STK25: variants seen among roughly 807,000 people sequenced by gnomAD.
STK25 encodes the protein serine/threonine-protein kinase 25.
STK25 carries 29 observed loss-of-function variants against 53.8 expected under a neutral mutation model. The ratio of observed to expected loss-of-function variants is 0.54; its 90% CI spans 0.40 to 0.74. The LOEUF (loss-of-function observed/expected upper bound fraction) is 0.74. STK25 is among the 30% of genes least tolerant of loss of function. The pLI, the probability that STK25 is intolerant of heterozygous loss-of-function variation, is 0.00. For synonymous variants in STK25, 247 were observed against 238.3 expected (o/e 1.04, Z -0.33); for missense variants, 420 against 568.0 (o/e 0.74, Z 2.65).
chr2:241,508,107 G>A lies in STK25; in HGVS notation c.-72C>T, dbSNP rs1031169239. Reference sequence around the variant, plus strand: ...GGATCCCGCGGAGAGGCGCGGAGCCGGCTAGCTCGCCCCTGCGGCGTCAGT... The same window carrying A: ...GGATCCCGCGGAGAGGCGCGGAGCCAGCTAGCTCGCCCCTGCGGCGTCAGT... On this transcript the variant is annotated 5_prime_UTR_variant, in exon 2 of 12. Coordinates refer to ENST00000316586, the MANE Select transcript of STK25 (RefSeq NM_001271977.2). 3.3e-5 allele frequency: 51 copies of A among 1,544,106 alleles called. No individual in the cohort carries two copies. In the South Asian group the frequency reaches 6.0e-4, roughly 18 times the overall value.
At chr2:241,508,952 G>C (rs1044433272), upstream of STK25, among the ~76,000 whole-genome samples, 1 of 152,160 alleles carries the variant, frequency 6.6e-6, no homozygotes, top group African/African-American at 2.4e-5. Context: ...CTTGGGCTCT[G>C]CCCTGCGCAG....
chr2:241,497,550 C>T, intron 10 of STK25, 66 bp downstream of exon 10: 1 of 1,518,468 alleles, frequency 6.6e-7, no homozygotes, highest in East Asian at 2.3e-5. Flanking sequence ...GGAGACATCT[C>T]CGTGCAACAG....
Position 241,498,333 on chromosome 2 carries a change from C to A in STK25, c.934G>T (p.Asp312Tyr). Residue 312 changes from aspartate to tyrosine, a missense_variant, in exon 9 of 12, where the codon GAC becomes TAC. Physicochemically the swap from Asp to Tyr is radical, Grantham distance 160. Transcript: ENST00000316586. The stretch of plus-strand genomic sequence containing the variant: ...GTCCAGATGGGGCCCTGCTCCCCGT[C>A]CTCCGCCTCGCCATCACTGAAGAGG... Reference protein sequence around the residue: ...EDSDIDGEAEDGEQGPIWTFP... With the variant: ...EDSDIDGEAEYGEQGPIWTFP... 6.3e-7 allele frequency: 1 copy of A among 1,595,700 alleles called. No homozygotes were observed. The highest frequency in any genetic ancestry group is 8.6e-7 in the Non-Finnish European group (1 of 1,168,180).
In STK25 at chr2:241,496,338, C is replaced by G. The variant is rs1321073762; in HGVS notation, c.1241+60G>C. The G allele has an allele frequency of 1.3e-6, 2 of 1,573,834 alleles. No individual in the cohort carries two copies. Among genetic ancestry groups the G allele is most frequent in the Non-Finnish European group, 1.7e-6 (2 of 1,153,676 alleles). ...CCCACGAGTGAGCACTGGACCTCAC[C>G]CCACGTCCAGCTTCTTGGTGGGGGT... On this transcript the variant is annotated intron_variant, in intron 11 of 11. Coordinates refer to ENST00000316586, the MANE Select transcript of STK25 (RefSeq NM_001271977.2). This position sits in a 1 kb window ranked among gnomAD's most constrained non-coding sequence, Gnocchi z 5.8.
intron 9 of STK25, 92 bp from the exon 10 acceptor site, chr2:241,497,779 C>G (rs2065258886): frequency 2.3e-6 from 3 of 1,331,324 alleles, no homozygotes; most frequent in Non-Finnish European, 3.2e-6. Flanking sequence ...CTTGAAGAGA[C>G]AGAGGCTGGG....
upstream of STK25, chr2:241,508,679 T>C: frequency 5.1e-6 from 5 of 985,820 alleles, no homozygotes; most frequent in Non-Finnish European, 6.0e-6. Context: ...CCCGGAAGCC[T>C]GCTGGCGTTG....
intron 9 of STK25, among the ~76,000 whole-genome samples, 187 bp downstream of exon 9, chr2:241,498,048 C>T (rs568957194): frequency 3.9e-5 from 6 of 152,320 alleles, no homozygotes; most frequent in South Asian, 2.1e-4. Context: ...CTCATCTTCC[C>T]GGCACATGCT....
upstream of STK25, chr2:241,508,689 G>A (rs1156659649): frequency 1.0e-6 from 1 of 985,886 alleles, no homozygotes; most frequent in African/African-American, 1.7e-5. Context: ...TGCTGGCGTT[G>A]GACTACAAGT....
chr2:241,508,278 G>A, intron 1 of STK25, 143 bp from the exon 2 acceptor site: 1 of 1,274,094 alleles, frequency 7.8e-7, no homozygotes, highest in Non-Finnish European at 9.9e-7. Context: ...TAACGCCCAG[G>A]CTCCCGGGGG....
chr2:241,499,194 T>C lies in STK25; in HGVS notation c.586-20A>G. The C allele has an allele frequency of 1.9e-6, 3 of 1,613,788 alleles. No individual in the cohort carries two copies. Among genetic ancestry groups the C allele is most frequent in the Non-Finnish European group, 2.5e-6 (3 of 1,179,864 alleles). On this transcript the variant is annotated intron_variant, in intron 6 of 11. Transcript: ENST00000316586. ...GTCAGCCTGGACAGAACACAAGGACTGTTGCTGCCCTGAGCACCCGAGCCA... is the reference window on the plus strand; with the variant it reads ...GTCAGCCTGGACAGAACACAAGGACCGTTGCTGCCCTGAGCACCCGAGCCA...
rs1574924266 is a variant in STK25 at position 241,493,086 on chromosome 2, A to ACTT, written c.*2573_*2575dup. The ACTT allele has an allele frequency of 8.5e-7, 1 of 1,182,768 alleles. No individual in the cohort carries two copies. Among genetic ancestry groups the ACTT allele is most frequent in the Non-Finnish European group, 1.3e-6 (1 of 786,906 alleles). The allele number at this position is 1,182,768 out of a possible 1,614,324, so 73.3% of individuals were successfully genotyped here. A position where few individuals can be genotyped will look rare whatever the true frequency, so the allele number is the denominator to read the frequency against. On this transcript the variant is annotated 3_prime_UTR_variant, in exon 12 of 12. Transcript: ENST00000316586. Reference sequence around the variant, plus strand: ...ATGCAGGTGATGCTAGCAGACAGACACTTAACCCTGCTCACCTGTGTCCCT... The same window carrying ACTT: ...ATGCAGGTGATGCTAGCAGACAGACACTTCTTAACCCTGCTCACCTGTGTCCCT...
intron 3 of STK25, 92 bp from the exon 4 acceptor site, chr2:241,500,888 A>AG: frequency 3.8e-6 from 5 of 1,312,712 alleles, no homozygotes; most frequent in Non-Finnish European, 5.4e-6. Flanking sequence ...GCCAGGGCCC[A>AG]GGCCCCACCG....
At chr2:241,504,165 C>T in intron 2 of STK25, 1 of 469,340 alleles carries the variant, frequency 2.1e-6, no homozygotes, top group South Asian at 1.6e-5. Context: ...GCTGGCTTGT[C>T]AAGGCCCGGG....
rs1290473431 is a variant in STK25, at chr2:241,501,643, C to T, written c.96G>A (p.Gly32=). ...KLDRIGKGSF[G]EVYKGIDNHT... ...GGTTATCGATGCCCTTGTAGACCTC[C>T]CCAAACGAGCCCTTGCCAATGCGGT... The change falls in exon 3 of 12, where the codon GGG becomes GGA. Residue 32 remains glycine (G), a synonymous_variant. Transcript: ENST00000316586. This position sits in a 1 kb window ranked among gnomAD's most constrained non-coding sequence, Gnocchi z 5.3. 1.2e-6 allele frequency: 2 copies of T among 1,614,054 alleles called. No homozygotes were observed. The highest frequency in any genetic ancestry group is 1.1e-5 in the South Asian group (1 of 91,080).
Position 241,493,117 on chromosome 2 carries a change from A to AT in STK25, c.*2544dup, listed in dbSNP as rs916821837. The AT allele has an allele frequency of 1.8e-6, 2 of 1,134,656 alleles. No homozygotes were observed. Among genetic ancestry groups the AT allele is most frequent in the African/African-American group, 3.1e-5 (2 of 65,354 alleles). The allele number at this position is 1,134,656 out of a possible 1,614,324, so 70.3% of individuals were successfully genotyped here. A position where few individuals can be genotyped will look rare whatever the true frequency, so the allele number is the denominator to read the frequency against. ...CCCTGCTCACCTGTGTCCCTTTTGT[A>AT]TTTTGGTTCTGCCCTCCCATGCTTT... is the stretch of plus-strand genomic sequence containing the variant. On this transcript the variant is annotated 3_prime_UTR_variant, in exon 12 of 12. Coordinates refer to ENST00000316586, the MANE Select transcript of STK25 (RefSeq NM_001271977.2).
intron 5 of STK25, chr2:241,499,777 CAT>C (rs745943480): frequency 5.3e-5 from 25 of 468,146 alleles, no homozygotes; most frequent in Non-Finnish European, 9.5e-5. Context: ...TCGTCCCCTA[CAT>C]GACAGAGATG....
In STK25 at chr2:241,499,424, A is replaced by T; in HGVS notation, c.428-10T>A. The stretch of plus-strand genomic sequence containing the variant: ...AGTAGCACGTTGGCAGCTGCTTGAC[A>T]CAGGACAGGCAGGCGTCATCCCAGG... On this transcript the variant is annotated splice_polypyrimidine_tract_variant and intron_variant, in intron 5 of 11. Transcript: ENST00000316586. The T allele has an allele frequency of 6.2e-7, 1 of 1,612,684 alleles. No individual in the cohort carries two copies. Among genetic ancestry groups the T allele is most frequent in the Non-Finnish European group, 8.5e-7 (1 of 1,179,394 alleles).
In STK25 at chr2:241,496,061, C is replaced by A. The variant is rs1449929824; in HGVS notation, c.1241+337G>T. Reference sequence around the variant, plus strand: ...GCACAGGGGCAGCTCTGACGTTTTGCCACCAGCGTGTCAGAGTAGCTCCCG... The same window carrying A: ...GCACAGGGGCAGCTCTGACGTTTTGACACCAGCGTGTCAGAGTAGCTCCCG... On this transcript the variant is annotated intron_variant, in intron 11 of 11. Transcript: ENST00000316586. The surrounding 1 kb of genome is among the most constrained non-coding windows in gnomAD (Gnocchi z 5.8). Among the ~76,000 whole-genome samples, 3 of 152,198 alleles carry A rather than the reference C, an allele frequency of 2.0e-5. No individual in the cohort carries two copies. In the East Asian group the frequency reaches 5.8e-4, roughly 29 times the overall value.
At chr2:241,502,024 C>CGTG (rs1559838273) in intron 2 of STK25, 1 of 289,806 alleles carries the variant, frequency 3.5e-6, no homozygotes, top group Non-Finnish European at 6.7e-6. Context: ...ATTATCTGGG[C>CGTG]GTGGCGGCTC....
Sources: allele counts gnomAD v4.1 joint callset (sites outside exome capture counted in the v4.1 genomes callset), GRCh38; gene constraint gnomAD v4.1.1; non-coding constraint Gnocchi (gnomAD v3.1); transcripts MANE v1.5; gene names NCBI Gene and HGNC (gene_info 2026-07-23, HGNC 2026-07-21).